The following FAM111A variants were observed in gnomAD, a reference collection of about 807,000 sequenced individuals.
The protein encoded by FAM111A is FAM111 trypsin like peptidase A, also known as serine protease FAM111A.
Under a neutral mutation model 3.3 loss-of-function variants are expected in FAM111A, and 8 were observed. The ratio of observed to expected loss-of-function variants is 2.39; its 90% CI spans 1.40 to 4.32. FAM111A has a LOEUF of 4.32. FAM111A is among the 30% of genes most tolerant of loss of function. The probability of loss-of-function intolerance (pLI) is 0.00; values close to 1 mark genes in which losing one functional copy is unlikely to be tolerated. For synonymous variants in FAM111A, 227 were observed against 243.1 expected (o/e 0.93, Z 0.62); for missense variants, 683 against 727.6 (o/e 0.94, Z 0.71).
intron 4 of FAM111A, among the ~76,000 whole-genome samples, chr11:59,146,229 CA>C (rs1300240523): frequency 2.0e-5 from 3 of 152,042 alleles, no homozygotes; most frequent in African/African-American, 4.8e-5. Context: ...GGATTACAGG[CA>C]CCCACCACCA....
intron 5 of FAM111A, among the ~76,000 whole-genome samples, chr11:59,150,624 T>G (rs1238309494): frequency 6.6e-6 from 1 of 152,196 alleles, no homozygotes; most frequent in Non-Finnish European, 1.5e-5. Flanking sequence ...CACCCCCGTT[T>G]CTTAAGATAA....
rs1274003460 is a variant in FAM111A, at chr11:59,152,136, A to G, written c.468A>G (p.Thr156=). The change falls in exon 6 of 6, where the codon ACA becomes ACG. Residue 156 remains threonine, a synonymous_variant. Transcript: ENST00000675163. ...CFPEGGQVVI[T]FSQSKSKQKE... The stretch of plus-strand genomic sequence containing the variant: ...CTGAAGGTGGCCAGGTGGTCATTAC[A>G]TTTTCCCAAAGTAAAAGTAAGCAGA... The G allele has an allele frequency of 2.5e-6, 4 of 1,614,136 alleles. No homozygotes were observed. The highest frequency in any genetic ancestry group is 2.2e-5 in the East Asian group (1 of 44,882).
Position 59,152,521 on chromosome 11 carries a change from G to C in FAM111A, c.853G>C (p.Glu285Gln), listed in dbSNP as rs376721381. ...SAAASQNPES[E>Q]KRNTCVLREQ... The stretch of plus-strand genomic sequence containing the variant: ...AGCAGCTTCTCAGAATCCTGAGTCA[G>C]AGAAAAGAAACACCTGTGTGTTGAG... Residue 285 changes from glutamate to glutamine, a missense_variant, in exon 6 of 6, where the codon GAG (glutamate) becomes CAG (glutamine). Physicochemically the swap from Glu to Gln is conservative, Grantham distance 29. This residue lies in a region of FAM111A where 557 missense variants were observed against 600.2 expected (regional missense o/e 0.93). Coordinates refer to ENST00000675163, the MANE Select transcript of FAM111A (RefSeq NM_001312909.2). The C allele has an allele frequency of 2.6e-5, 42 of 1,613,968 alleles. No individual in the cohort carries two copies. The highest frequency in any genetic ancestry group is 3.3e-5 in the Non-Finnish European group (39 of 1,180,034).
At chr11:59,147,988 T>C (rs1377043498) in intron 4 of FAM111A, among the ~76,000 whole-genome samples, 1 of 152,228 alleles carries the variant, frequency 6.6e-6, no homozygotes, top group Non-Finnish European at 1.5e-5. Flanking sequence ...CATTCGTTTA[T>C]TGAATGTATC....
Position 59,151,950 on chromosome 11 carries a change from T to A in FAM111A, c.282T>A (p.Leu94=), listed in dbSNP as rs761688299. The A allele has an allele frequency of 1.2e-6, 2 of 1,613,478 alleles. No homozygotes were observed. The highest frequency in any genetic ancestry group is 2.7e-5 in the African/African-American group (2 of 74,878). Residue 94 remains leucine, a synonymous_variant, in exon 6 of 6, where the codon CTT becomes CTA. Coordinates refer to ENST00000675163, the MANE Select transcript of FAM111A (RefSeq NM_001312909.2). The part of the protein sequence containing the change: ...VNHRRNQDMK[L]KLTHSENSSL... ...ACAGGAGAAACCAAGATATGAAACT[T>A]AAGCTCACACATAGTGAGAATAGTA...
At position 59,152,072 on chromosome 11, in the gene FAM111A, A is replaced by G; in HGVS notation, c.404A>G (p.Lys135Arg). ...EMLVRGTEGI[K>R]EYINLGMPLS... is the part of the protein sequence containing the mutation. ...CTTGTGCGTGGCACAGAAGGAATCA[A>G]AGAGTACATAAACCTTGGAATGCCC... Residue 135 changes from lysine (K) to arginine (R), a missense_variant, in exon 6 of 6, where the codon AAA (lysine) becomes AGA (arginine). Transcript: ENST00000675163. The G allele has an allele frequency of 6.2e-7, 1 of 1,614,222 alleles. No homozygotes were observed. Among genetic ancestry groups the G allele is most frequent in the Non-Finnish European group, 8.5e-7 (1 of 1,180,028 alleles).
chr11:59,150,106 AT>A (rs1861463395), intron 5 of FAM111A, among the ~76,000 whole-genome samples: 1 of 152,190 alleles, frequency 6.6e-6, no homozygotes, highest in South Asian at 2.1e-4. Context: ...GCTAATTACT[AT>A]ATCCTATTCC....
rs563749342 is a variant in FAM111A at position 59,152,826 on chromosome 11, AATAG to A, written c.1163_1166del (p.Asp388AlafsTer7). The A allele has an allele frequency of 9.3e-6, 15 of 1,614,078 alleles. No homozygotes were observed. Among genetic ancestry groups the A allele is most frequent in the Non-Finnish European group, 1.3e-5 (15 of 1,180,040 alleles). On this transcript the variant is annotated frameshift_variant, in exon 6 of 6. Transcript: ENST00000675163. LOFTEE classifies it low-confidence loss of function (END_TRUNC). ...TGTTCATTTTAACTTGTCGGCATGT[AATAG>A]ATAGCATTGTGGGAGACGGAATAGA...
In FAM111A at chr11:59,153,260, C is replaced by CA. The variant is rs1861944343; in HGVS notation, c.1592_1593insA (p.Tyr532LeufsTer2). 6.2e-7 allele frequency: 1 copy of CA among 1,614,012 alleles called. No homozygotes were observed. Among genetic ancestry groups the CA allele is most frequent in the East Asian group, 2.2e-5 (1 of 44,888 alleles). On this transcript the variant is annotated frameshift_variant, in exon 6 of 6. Transcript: ENST00000675163. LOFTEE classifies it low-confidence loss of function (END_TRUNC). ...ATAGTTCACAACCCTGATGTGATTA[C>CA]CTATGACACTGAATTTTTCTTTGGG...
In FAM111A at chr11:59,152,074, G is replaced by A. The variant is rs1168224307; in HGVS notation, c.406G>A (p.Glu136Lys). 3.1e-6 allele frequency: 5 copies of A among 1,614,066 alleles called. No individual in the cohort carries two copies. The Admixed American group carries it at 8.3e-5, about 27-fold the overall frequency. The stretch of plus-strand genomic sequence containing the variant: ...TGTGCGTGGCACAGAAGGAATCAAA[G>A]AGTACATAAACCTTGGAATGCCCCT... Reference protein sequence around the residue: ...MLVRGTEGIKEYINLGMPLSC... With the variant: ...MLVRGTEGIKKYINLGMPLSC... Residue 136 changes from glutamate (E) to lysine (K), a missense_variant, in exon 6 of 6, where the codon GAG becomes AAG. This residue lies in a region of FAM111A where 557 missense variants were observed against 600.2 expected (regional missense o/e 0.93). Coordinates refer to ENST00000675163, the MANE Select transcript of FAM111A (RefSeq NM_001312909.2).
intron 5 of FAM111A, chr11:59,149,290 C>A: frequency 4.8e-6 from 1 of 209,270 alleles, no homozygotes; most frequent in Admixed American, 5.6e-5. Context: ...TGGTTGAACC[C>A]ATAGATACAG....
chr11:59,149,150 C>A (rs956195934), intron 5 of FAM111A, 197 bp downstream of exon 5: 3 of 545,788 alleles, frequency 5.5e-6, no homozygotes, highest in Non-Finnish European at 9.8e-6. Context: ...TTACCTAATA[C>A]AAGGTAAATG....
chr11:59,150,711 T>G (rs778811307), intron 5 of FAM111A, among the ~76,000 whole-genome samples: 2 of 152,160 alleles, frequency 1.3e-5, no homozygotes, highest in South Asian at 4.1e-4. Context: ...GAAAATATAA[T>G]TGGACTGGGA....
Position 59,152,346 on chromosome 11 carries a change from C to T in FAM111A, c.678C>T (p.Cys226=), listed in dbSNP as rs1481491759. 54 of 1,613,994 alleles carry T rather than the reference C, an allele frequency of 3.3e-5. No individual in the cohort carries two copies. Among genetic ancestry groups the T allele is most frequent in the Non-Finnish European group, 4.3e-5 (51 of 1,180,024 alleles). ...FKGETIKDAL[C]KDGRFLSFLE... ...GAGAAACCATCAAGGATGCACTGTG[C>T]AAGGATGGCAGATTTCTTTCCTTTC... is the stretch of plus-strand genomic sequence containing the variant. The change falls in exon 6 of 6, where the codon TGC becomes TGT. Residue 226 remains cysteine (C), a synonymous_variant. Coordinates refer to ENST00000675163, the MANE Select transcript of FAM111A (RefSeq NM_001312909.2).
chr11:59,146,385 A>C (rs1419278055), intron 4 of FAM111A, among the ~76,000 whole-genome samples: 1 of 152,228 alleles, frequency 6.6e-6, no homozygotes, highest in Non-Finnish European at 1.5e-5. Flanking sequence ...CACCCAGACC[A>C]CAATATATTT....
In FAM111A at chr11:59,154,322, A is replaced by G. The variant is rs566961017; in HGVS notation, c.*818A>G. 1.3e-5 allele frequency: 2 copies of G among 152,318 alleles called. No individual in the cohort carries two copies. Among genetic ancestry groups the G allele is most frequent in the South Asian group, 4.1e-4 (2 of 4,824 alleles). 9.4% of individuals were successfully genotyped at this position (152,318 alleles called of 1,614,324 possible). A position where few individuals can be genotyped will look rare whatever the true frequency, so the allele number is the denominator to read the frequency against. On this transcript the variant is annotated 3_prime_UTR_variant, in exon 6 of 6. Coordinates refer to ENST00000675163, the MANE Select transcript of FAM111A (RefSeq NM_001312909.2). The stretch of plus-strand genomic sequence containing the variant: ...CTCAAAACCTTTTAGAATTTCCAAA[A>G]TCTTCATATTACTGAAACTGTCGGA...
At position 59,153,287 on chromosome 11, in the gene FAM111A, C is replaced by A. The variant is rs551007311; in HGVS notation, c.1619C>A (p.Ala540Asp). ...TATGACACTGAATTTTTCTTTGGGG[C>A]TTCCGGCTCCCCTGTGTTTGATTCA... Reference protein sequence around the residue: ...ITYDTEFFFGASGSPVFDSKG... With the variant: ...ITYDTEFFFGDSGSPVFDSKG... The change falls in exon 6 of 6, where the codon GCT (alanine) becomes GAT (aspartate). Residue 540 changes from alanine to aspartate, a missense_variant. By Grantham distance (126) the Ala-to-Asp change is moderately radical. Transcript: ENST00000675163. The A allele has an allele frequency of 6.2e-7, 1 of 1,614,150 alleles. No individual in the cohort carries two copies. Among genetic ancestry groups the A allele is most frequent in the African/African-American group, 1.3e-5 (1 of 75,038 alleles).
Position 59,152,037 on chromosome 11 carries a change from C to T in FAM111A, c.369C>T (p.Gly123=), listed in dbSNP as rs762629035. The part of the protein sequence containing the change: ...AVRKEIETHQ[G]QEMLVRGTEG... ...GAAAAGAGATAGAAACTCACCAAGG[C>T]CAAGAAATGCTTGTGCGTGGCACAG... The change falls in exon 6 of 6, where the codon GGC becomes GGT. Residue 123 remains glycine (G), a synonymous_variant. Transcript: ENST00000675163. 3 of 1,614,182 alleles carry T rather than the reference C, an allele frequency of 1.9e-6. No homozygotes were observed. In the East Asian group the frequency reaches 6.7e-5, roughly 36 times the overall value.
In FAM111A at chr11:59,149,205, A is replaced by C. The variant is rs619509; in HGVS notation, c.81+252A>C. Reference sequence around the variant, plus strand: ...ACTGTATTGCTTAGGGAATAATGACAAGAAAAAAAAAGTCATGCACGTTTA... The same window carrying C: ...ACTGTATTGCTTAGGGAATAATGACCAGAAAAAAAAAGTCATGCACGTTTA... On this transcript the variant is annotated intron_variant, in intron 5 of 5. Transcript: ENST00000675163. 841 of 367,232 alleles carry C rather than the reference A, an allele frequency of 2.3e-3. 8 individuals are homozygous for C. The highest frequency in any genetic ancestry group is 0.016 in the African/African-American group (778 of 47,500). 22.7% of individuals were successfully genotyped at this position (367,232 alleles called of 1,614,324 possible). A position where few individuals can be genotyped will look rare whatever the true frequency, so the allele number is the denominator to read the frequency against.
Sources: allele counts gnomAD v4.1 joint callset (sites outside exome capture counted in the v4.1 genomes callset), GRCh38; gene constraint gnomAD v4.1.1; regional missense constraint gnomAD v4.1.1; transcripts MANE v1.5; gene names NCBI Gene and HGNC (gene_info 2026-07-23, HGNC 2026-07-21).